The following DMD variants were observed in gnomAD, a reference collection of about 807,000 sequenced individuals.
The protein encoded by DMD is dystrophin, also known as mutant dystrophin.
Under a neutral mutation model 330.1 loss-of-function variants are expected in DMD, and 63 were observed. The observed-to-expected ratio is 0.19, with a 90% confidence interval of 0.16 to 0.24. The LOEUF is 0.24. Ranked by LOEUF, DMD falls within the 10% of genes least tolerant of loss-of-function variation. DMD has a pLI of 1.00. For synonymous variants in DMD, 1,223 were observed against 959.8 expected (o/e 1.27, Z -5.07); for missense variants, 3,344 against 2,684.1 (o/e 1.25, Z -5.43).
At chrX:32,565,040 G>T (rs1461403923) in intron 16 of DMD, among the ~76,000 whole-genome samples, 2 of 111,072 alleles carry the variant, frequency 1.8e-5, no homozygotes. Flanking sequence ...GACAAAAAGA[G>T]GTTCAACTTT....
At chrX:33,246,032 C>T (rs1008371389) in intron 1 of DMD, among the ~76,000 whole-genome samples, 3 of 111,821 alleles carry the variant, frequency 2.7e-5, no homozygotes, top group Non-Finnish European at 3.8e-5. Flanking sequence ...AGTATTTGAA[C>T]TAGTATTCAA....
chrX:32,123,108 G>C (rs2096644214), intron 44 of DMD, among the ~76,000 whole-genome samples: 1 of 101,440 alleles, frequency 9.9e-6, no homozygotes, highest in African/African-American at 3.6e-5. Flanking sequence ...CCTTGTCTCA[G>C]GTAAATGTGT....
intron 12 of DMD, among the ~76,000 whole-genome samples, chrX:32,608,525 A>T (rs1386601933): frequency 9.0e-6 from 1 of 110,685 alleles, no homozygotes; most frequent in African/African-American, 3.3e-5. Flanking sequence ...GACACCAGAG[A>T]TAACATCACC....
intron 4 of DMD, among the ~76,000 whole-genome samples, chrX:32,831,403 A>G (rs1325299475): frequency 9.0e-6 from 1 of 111,391 alleles, no homozygotes; most frequent in East Asian, 2.8e-4. Context: ...TGGTTTTCTG[A>G]AAGATTATTG....
At chrX:31,527,591 C>T (rs988456124) in intron 55 of DMD, among the ~76,000 whole-genome samples, 1 of 111,584 alleles carries the variant, frequency 9.0e-6, no homozygotes, top group East Asian at 2.8e-4. Context: ...CTTTCTGCCC[C>T]TTTTGGCTAT....
intron 44 of DMD, among the ~76,000 whole-genome samples, chrX:32,203,940 ATATGT>A (rs930701530): frequency 3.6e-5 from 4 of 111,667 alleles, no homozygotes; most frequent in Non-Finnish European, 5.6e-5. Context: ...ATATTAATAA[ATATGT>A]TATGTCTCAA....
chrX:32,053,759 G>C (rs1024956564), intron 44 of DMD, among the ~76,000 whole-genome samples: 1 of 111,247 alleles, frequency 9.0e-6, no homozygotes, highest in African/African-American at 3.3e-5. Context: ...TTGCATCTTT[G>C]TTGGCACACA....
At chrX:32,612,218 G>A (rs763768716) in intron 12 of DMD, among the ~76,000 whole-genome samples, 1 of 111,261 alleles carries the variant, frequency 9.0e-6, no homozygotes, top group Admixed American at 9.5e-5. Flanking sequence ...ATGGGACAAA[G>A]ATTCTACAGG....
At chrX:32,718,254 T>G (rs1825832631) in intron 7 of DMD, among the ~76,000 whole-genome samples, 2 of 110,523 alleles carry the variant, frequency 1.8e-5, no homozygotes, top group Admixed American at 1.9e-4. Context: ...TGGTGGGAGG[T>G]GACTGAATCA....
intron 77 of DMD, among the ~76,000 whole-genome samples, chrX:31,128,751 C>T (rs1400781360): frequency 1.8e-5 from 2 of 111,384 alleles, no homozygotes; most frequent in Non-Finnish European, 3.8e-5. Context: ...CAAGCTAACT[C>T]TAATCTCTTC....
intron 55 of DMD, among the ~76,000 whole-genome samples, chrX:31,596,110 A>C (rs1280619830): frequency 9.0e-6 from 1 of 111,516 alleles, no homozygotes; most frequent in African/African-American, 3.2e-5. Context: ...GCTTGGTTCA[A>C]TTTGTCATAA....
At chrX:33,237,271 T>A (rs1374832883) in intron 1 of DMD, among the ~76,000 whole-genome samples, 1 of 102,553 alleles carries the variant, frequency 9.8e-6, no homozygotes, top group Non-Finnish European at 2.0e-5. Flanking sequence ...GAAATGGAGT[T>A]TCACTCTTGT....
intron 30 of DMD, among the ~76,000 whole-genome samples, chrX:32,411,268 T>C (rs1160827242): frequency 9.0e-6 from 1 of 110,995 alleles, no homozygotes; most frequent in Non-Finnish European, 1.9e-5. Context: ...GTAGCTGGGA[T>C]TACAGGCGCG....
chrX:32,509,489 G>A (rs1039055445), intron 18 of DMD, among the ~76,000 whole-genome samples: 19 of 111,479 alleles, frequency 1.7e-4, no homozygotes, highest in African/African-American at 5.2e-4. Flanking sequence ...AGGAACATAG[G>A]CCTTCCACAG....
chrX:33,046,075 T>C (rs1052675883), intron 1 of DMD, among the ~76,000 whole-genome samples: 2 of 111,603 alleles, frequency 1.8e-5, no homozygotes, highest in Non-Finnish European at 3.8e-5. Flanking sequence ...TCTCTGTGTG[T>C]CCTTGACCTA....
intron 7 of DMD, among the ~76,000 whole-genome samples, chrX:32,795,048 G>C (rs914146251): frequency 8.9e-6 from 1 of 112,069 alleles, no homozygotes; most frequent in Non-Finnish European, 1.9e-5. Flanking sequence ...TTATCGGTCA[G>C]AAGAATTAAT....
chrX:32,478,451 C>T (rs919295295), intron 21 of DMD, among the ~76,000 whole-genome samples: 1 of 111,473 alleles, frequency 9.0e-6, no homozygotes, highest in African/African-American at 3.3e-5. Context: ...TAGACCATGA[C>T]AAAAGTAAGC....
chrX:31,141,017 C>A (rs2035973138), intron 76 of DMD, among the ~76,000 whole-genome samples: 1 of 110,883 alleles, frequency 9.0e-6, no homozygotes, highest in African/African-American at 3.3e-5. Context: ...ATGGTGAAAC[C>A]CTGTCTCTAC....
At chrX:32,300,675 G>A (rs1420495231) in intron 42 of DMD, among the ~76,000 whole-genome samples, 1 of 111,274 alleles carries the variant, frequency 9.0e-6, no homozygotes, top group African/African-American at 3.3e-5. Context: ...GCATGGCAAA[G>A]GGGGTTTTAT....
Sources: gnomAD v4.1 joint callset for allele counts (sites outside exome capture counted in the v4.1 genomes callset) on GRCh38, gnomAD v4.1.1 for gene constraint, MANE v1.5 for transcripts, NCBI Gene and HGNC (gene_info 2026-07-23, HGNC 2026-07-21) for gene names.